The following CHN1 variants were observed in gnomAD, a reference collection of about 807,000 sequenced individuals.
CHN1 encodes N-chimaerin.
In CHN1, 37 loss-of-function variants were observed where a neutral mutation model predicts 59.5. The observed-to-expected ratio is 0.62, with a 90% CI of 0.48 to 0.82. The LOEUF (loss-of-function observed/expected upper bound fraction) is 0.82, where lower values mean the gene tolerates loss of function less well. CHN1 is among the 40% of genes least tolerant of loss of function. CHN1 has a pLI of 0.00. For missense variants in CHN1, 469 were observed against 571.0 expected, an observed-to-expected ratio of 0.82 and a Z score of 1.82; for synonymous variants, 206 against 200.4, an observed-to-expected ratio of 1.03 and a Z score of -0.24.
At chr2:174,800,558 C>T (rs1199987858) in intron 12 of CHN1, among the ~76,000 whole-genome samples, 7 of 152,218 alleles carry the variant, frequency 4.6e-5, no homozygotes, top group Admixed American at 4.6e-4. Context: ...GATCCTCCTG[C>T]CACAGCCCAC....
At position 174,842,270 on chromosome 2, in the gene CHN1, A is replaced by G. The variant is rs567213732; in HGVS notation, c.627+4610T>C. Among the ~76,000 whole-genome samples, 15 of 152,298 alleles carry G rather than the reference A, an allele frequency of 9.8e-5. No individual in the cohort carries two copies. The East Asian group carries it at 2.5e-3, about 25-fold the overall frequency. ...TGGTGGTGTGAGGGTTGGTGGGGATAATATGAAAGAGGTGATAGACACTGT... is the reference window on the plus strand; with the variant it reads ...TGGTGGTGTGAGGGTTGGTGGGGATGATATGAAAGAGGTGATAGACACTGT... On this transcript the variant is annotated intron_variant, in intron 7 of 12. Transcript: ENST00000409900.
intron 6 of CHN1, among the ~76,000 whole-genome samples, chr2:174,871,586 C>T (rs1235615638): frequency 1.3e-5 from 2 of 152,096 alleles, no homozygotes; most frequent in African/African-American, 2.4e-5. Flanking sequence ...ATTTCTTATT[C>T]GTGATTCTGA....
intron 7 of CHN1, among the ~76,000 whole-genome samples, chr2:174,841,946 G>T (rs1316839605): frequency 1.3e-5 from 2 of 152,022 alleles, no homozygotes; most frequent in African/African-American, 4.8e-5. Flanking sequence ...AGATTCTCTA[G>T]TCAATATCAG....
chr2:174,820,846 G>A (rs931355000), intron 8 of CHN1, among the ~76,000 whole-genome samples: 1 of 152,130 alleles, frequency 6.6e-6, no homozygotes, highest in Non-Finnish European at 1.5e-5. Flanking sequence ...TTTAAAAAAG[G>A]GCTGTGGCGA....
At chr2:174,872,977 A>G (rs2646166) in intron 6 of CHN1, among the ~76,000 whole-genome samples, 73,356 of 151,690 alleles carry the variant, frequency 0.48, 18,489 homozygotes, top group African/African-American at 0.61. Context: ...TTGAGACTTA[A>G]GGAGGTTAAG....
At chr2:174,958,043 A>C (rs1337399616) in intron 1 of CHN1, among the ~76,000 whole-genome samples, 1 of 152,054 alleles carries the variant, frequency 6.6e-6, no homozygotes, top group Non-Finnish European at 1.5e-5. Context: ...CATAACTGTA[A>C]TCCCAGCTAC....
intron 5 of CHN1, among the ~76,000 whole-genome samples, chr2:174,911,173 T>A (rs1360921658): frequency 2.0e-5 from 3 of 152,156 alleles, no homozygotes; most frequent in Non-Finnish European, 2.9e-5. Flanking sequence ...CAACCTAGTA[T>A]TTTTTTCTTT....
At chr2:174,815,280 T>A (rs2600712) in intron 8 of CHN1, among the ~76,000 whole-genome samples, 82,089 of 151,782 alleles carry the variant, frequency 0.54, 23,261 homozygotes, top group African/African-American at 0.69. Flanking sequence ...AGCGGGCTTG[T>A]GGTGGGAGGA....
intron 3 of CHN1, among the ~76,000 whole-genome samples, chr2:174,927,772 C>G (rs1689220044): frequency 6.6e-6 from 1 of 152,220 alleles, no homozygotes; most frequent in African/African-American, 2.4e-5. Context: ...GAATCATTAT[C>G]TCCTTTGTTC....
intron 8 of CHN1, among the ~76,000 whole-genome samples, chr2:174,823,805 T>G (rs574874168): frequency 6.6e-6 from 1 of 152,364 alleles, no homozygotes; most frequent in Admixed American, 6.5e-5. Context: ...GTTGGCTATT[T>G]CTGTATGTGT....
intron 7 of CHN1, among the ~76,000 whole-genome samples, chr2:174,840,413 G>A (rs1403721158): frequency 2.6e-5 from 4 of 151,988 alleles, no homozygotes; most frequent in Non-Finnish European, 5.9e-5. Context: ...CAATCCTCCT[G>A]ACTTGGCCTC....
chr2:174,998,210 G>A (rs1691772812), intron 1 of CHN1, among the ~76,000 whole-genome samples: 1 of 150,302 alleles, frequency 6.7e-6, no homozygotes, highest in African/African-American at 2.5e-5. Flanking sequence ...GGCTGAGGCA[G>A]GAGAATTGCT....
chr2:174,805,139 A>T (rs1684847525), intron 11 of CHN1, among the ~76,000 whole-genome samples: 1 of 152,254 alleles, frequency 6.6e-6, no homozygotes, highest in South Asian at 2.1e-4. Flanking sequence ...GGGTGATGTC[A>T]AGAACACTGC....
chr2:174,902,831 T>G (rs987855874), intron 5 of CHN1, among the ~76,000 whole-genome samples: 20 of 152,222 alleles, frequency 1.3e-4, no homozygotes, highest in African/African-American at 4.6e-4. Context: ...AAAAGCCCCT[T>G]TATCAGTATC....
intron 5 of CHN1, among the ~76,000 whole-genome samples, chr2:174,882,235 C>T (rs1396783274): frequency 1.3e-5 from 2 of 152,160 alleles, no homozygotes; most frequent in Non-Finnish European, 2.9e-5. Context: ...CTTTTAACTG[C>T]TACTGTTGTA....
chr2:174,847,303 G>C, intron 6 of CHN1: 3 of 1,334,444 alleles, frequency 2.2e-6, no homozygotes, highest in Non-Finnish European at 2.9e-6. Context: ...TTAAACAGAG[G>C]TCGACTAACC....
chr2:174,806,625 G>A (rs75224489), intron 11 of CHN1, among the ~76,000 whole-genome samples: 2 of 152,044 alleles, frequency 1.3e-5, no homozygotes, highest in Admixed American at 6.6e-5. Flanking sequence ...CATTGCCGCC[G>A]CCCCTAGTGA....
At chr2:174,881,688 C>A (rs72923114) in intron 5 of CHN1, among the ~76,000 whole-genome samples, 41 of 152,288 alleles carry the variant, frequency 2.7e-4, no homozygotes, top group Non-Finnish European at 4.9e-4. Context: ...ACTGGCAACA[C>A]TGGCTGTACA....
chr2:174,838,370 G>A (rs1335044344), intron 7 of CHN1, among the ~76,000 whole-genome samples: 1 of 152,094 alleles, frequency 6.6e-6, no homozygotes, highest in Non-Finnish European at 1.5e-5. Context: ...TGGGATTACA[G>A]GAATGAGCCA....
Sources: gnomAD v4.1 joint callset for allele counts (sites outside exome capture counted in the v4.1 genomes callset) on GRCh38, gnomAD v4.1.1 for gene constraint, MANE v1.5 for transcripts, NCBI Gene and HGNC (gene_info 2026-07-23, HGNC 2026-07-21) for gene names.